Variants in KDM5B observed in about 807,000 individuals in gnomAD.
KDM5B encodes lysine demethylase 5B.
Under a neutral mutation model 193.4 loss-of-function variants are expected in KDM5B, and 144 were observed. That is an observed-to-expected ratio of 0.74 (90% CI 0.65 to 0.86). KDM5B has a LOEUF of 0.86. Ranked by LOEUF, KDM5B falls within the 40% of genes least tolerant of loss-of-function variation. The pLI is 0.00. For synonymous variants in KDM5B, 668 were observed against 682.6 expected, an observed-to-expected ratio of 0.98 and a Z score of 0.33; for missense variants, 1,833 against 1,886.9, an observed-to-expected ratio of 0.97 and a Z score of 0.53.
chr1:202,739,926 TC>T (rs1655241746), intron 20 of KDM5B, among the ~76,000 whole-genome samples: 4 of 151,834 alleles, frequency 2.6e-5, no homozygotes. Context: ...TCCCCACCTT[TC>T]CCCCCTTTCT....
In KDM5B at chr1:202,729,024, G is replaced by GT; in HGVS notation, c.*11dup. 1 of 1,613,972 alleles carries GT rather than the reference G, an allele frequency of 6.2e-7. No homozygotes were observed. The highest frequency in any genetic ancestry group is 8.5e-7 in the Non-Finnish European group (1 of 1,179,918). ...AATTACATTAAGTAGGGGGGTATCT[G>GT]TTTTTGTGTTTTTACTTTCGGCTTG... On this transcript the variant is annotated 3_prime_UTR_variant, in exon 27 of 27. Coordinates refer to ENST00000367265, the MANE Select transcript of KDM5B (RefSeq NM_006618.5).
chr1:202,742,592 T>G, intron 17 of KDM5B, 63 bp downstream of exon 17: 1 of 1,605,938 alleles, frequency 6.2e-7, no homozygotes. Flanking sequence ...AAGACAGGAG[T>G]CACAACAGGT....
intron 1 of KDM5B, among the ~76,000 whole-genome samples, chr1:202,784,735 T>C (rs1475185404): frequency 6.6e-6 from 1 of 152,096 alleles, no homozygotes; most frequent in Non-Finnish European, 1.5e-5. Context: ...GACAAAGAAT[T>C]GCATTCAAAG....
Position 202,756,517 on chromosome 1 carries a change from C to A in KDM5B, c.1198-1G>T. 6.4e-7 allele frequency: 1 copy of A among 1,574,558 alleles called. No individual in the cohort carries two copies. Among genetic ancestry groups the A allele is most frequent in the Non-Finnish European group, 8.6e-7 (1 of 1,161,938 alleles). On this transcript the variant is annotated splice_acceptor_variant, in intron 9 of 26. Transcript: ENST00000367265. LOFTEE classifies it high-confidence loss of function. ...TCTCAACAAGCTCTGTGGGGACCAT[C>A]TGGAAATACAAGGAATAGAAAAAAT...
chr1:202,735,460 G>A lies in KDM5B; in HGVS notation c.3392C>T (p.Ala1131Val). The change falls in exon 22 of 27, where the codon GCT becomes GTT. Residue 1131 changes from alanine (A) to valine (V), a missense_variant. Physicochemically the swap from Ala to Val is moderately conservative, Grantham distance 64. Coordinates refer to ENST00000367265, the MANE Select transcript of KDM5B (RefSeq NM_006618.5). ...AGCAGTCTCCTTGCTTTCAGTTAAAGCTCTCTCCAGGTCACTCAGACTCTC... is the reference window on the plus strand; with the variant it reads ...AGCAGTCTCCTTGCTTTCAGTTAAAACTCTCTCCAGGTCACTCAGACTCTC... Reference protein sequence around the residue: ...KLESLSDLERALTESKETASA... With the variant: ...KLESLSDLERVLTESKETASA... 6.2e-7 allele frequency: 1 copy of A among 1,614,028 alleles called. No homozygotes were observed. The highest frequency in any genetic ancestry group is 8.5e-7 in the Non-Finnish European group (1 of 1,179,958).
intron 1 of KDM5B, among the ~76,000 whole-genome samples, chr1:202,799,002 A>C (rs915563135): frequency 1.3e-5 from 2 of 152,214 alleles, no homozygotes; most frequent in Admixed American, 6.5e-5. Context: ...CCTGGGCAAC[A>C]GAGCAAGACT....
At chr1:202,738,237 T>C (rs1373924060) in intron 20 of KDM5B, among the ~76,000 whole-genome samples, 1 of 152,152 alleles carries the variant, frequency 6.6e-6, no homozygotes, top group East Asian at 1.9e-4. Flanking sequence ...ACATATAAAA[T>C]ATGAAGGAAA....
At chr1:202,760,595 C>A (rs770242438) in intron 7 of KDM5B, 22 bp from the exon 8 acceptor site, 3 of 1,568,478 alleles carry the variant, frequency 1.9e-6, no homozygotes, top group Admixed American at 3.9e-5. Context: ...AAAGTGGGTA[C>A]AGAACAAAGG....
In KDM5B at chr1:202,755,461, A is replaced by G. The variant is rs1437549915; in HGVS notation, c.1357-9T>C. 6.2e-7 allele frequency: 1 copy of G among 1,601,594 alleles called. No homozygotes were observed. Among genetic ancestry groups the G allele is most frequent in the South Asian group, 1.1e-5 (1 of 90,388 alleles). The stretch of plus-strand genomic sequence containing the variant: ...CCACTATCAAGATACTCCTAAAAAT[A>G]AGAAGACAAAAGAGGATAAAGGTTT... On this transcript the variant is annotated splice_polypyrimidine_tract_variant and intron_variant, in intron 10 of 26. Coordinates refer to ENST00000367265, the MANE Select transcript of KDM5B (RefSeq NM_006618.5).
chr1:202,792,497 C>G (rs552975066), intron 1 of KDM5B, among the ~76,000 whole-genome samples: 1 of 152,242 alleles, frequency 6.6e-6, no homozygotes, highest in Non-Finnish European at 1.5e-5. Context: ...TGAGTGGTCA[C>G]TGGAGTTGAT....
At chr1:202,744,970 T>C (rs968738907) in intron 16 of KDM5B, among the ~76,000 whole-genome samples, 1 of 152,038 alleles carries the variant, frequency 6.6e-6, no homozygotes, top group African/African-American at 2.4e-5. Flanking sequence ...TATGCAGCCA[T>C]AAAAAAGAAT....
intron 4 of KDM5B, 22 bp downstream of exon 4, chr1:202,773,096 T>G: frequency 1.3e-6 from 2 of 1,556,448 alleles, no homozygotes; most frequent in South Asian, 1.1e-5. Flanking sequence ...TAAAACAGGT[T>G]AAGGCTAGCC....
chr1:202,782,318 T>G (rs1657231581), intron 1 of KDM5B, among the ~76,000 whole-genome samples: 1 of 152,198 alleles, frequency 6.6e-6, no homozygotes, highest in Admixed American at 6.5e-5. Context: ...CATACGGAAC[T>G]AAAATACCTT....
chr1:202,802,517 C>T (rs1238704421), intron 1 of KDM5B, among the ~76,000 whole-genome samples: 3 of 151,988 alleles, frequency 2.0e-5, no homozygotes, highest in Admixed American at 1.3e-4. Context: ...CTCAGCCTCC[C>T]GAGTAGCTGG....
intron 8 of KDM5B, 70 bp downstream of exon 8, chr1:202,760,345 T>A: frequency 1.9e-6 from 2 of 1,043,342 alleles, no homozygotes; most frequent in Middle Eastern, 2.4e-4. Flanking sequence ...AAATAAAAAA[T>A]AAAACTCAAA....
chr1:202,765,964 A>G (rs959820810), intron 5 of KDM5B, among the ~76,000 whole-genome samples: 4 of 152,200 alleles, frequency 2.6e-5, no homozygotes, highest in African/African-American at 9.6e-5. Context: ...TTCCTTTCCC[A>G]GGGAAAGCTT....
chr1:202,750,956 G>T (rs1572724816), intron 12 of KDM5B, among the ~76,000 whole-genome samples, 178 bp from the exon 13 acceptor site: 1 of 152,196 alleles, frequency 6.6e-6, no homozygotes, highest in African/African-American at 2.4e-5. Flanking sequence ...TATGTCACAA[G>T]ATGGAGCAGT....
At chr1:202,758,997 G>A (rs1430642467) in intron 8 of KDM5B, 1 of 152,724 alleles carries the variant, frequency 6.5e-6, no homozygotes, top group East Asian at 1.9e-4. Flanking sequence ...TTAGATCTTT[G>A]TGAGCCAATA....
chr1:202,736,464 T>C, intron 20 of KDM5B, 72 bp from the exon 21 acceptor site: 1 of 1,263,306 alleles, frequency 7.9e-7, no homozygotes, highest in Non-Finnish European at 1.1e-6. Context: ...AAAGCTTAAT[T>C]CAGATTGGTC....
Sources: allele counts gnomAD v4.1 joint callset (sites outside exome capture counted in the v4.1 genomes callset), GRCh38; gene constraint gnomAD v4.1.1; transcripts MANE v1.5; gene names NCBI Gene and HGNC (gene_info 2026-07-23, HGNC 2026-07-21).